The following SGMS1 variants were observed in gnomAD, a reference collection of about 807,000 sequenced individuals.
The protein encoded by SGMS1 is sphingomyelin synthase 1, also known as phosphatidylcholine:ceramide cholinephosphotransferase 1.
In SGMS1, 13 loss-of-function variants were observed where a neutral mutation model predicts 46.2. The observed-to-expected ratio is 0.28, with a 90% CI of 0.18 to 0.45. The LOEUF is 0.45. SGMS1 is among the 20% of genes least tolerant of loss of function. The pLI, the probability that SGMS1 is intolerant of heterozygous loss-of-function variation, is 1.00. For missense variants in SGMS1, 324 were observed against 519.9 expected (o/e 0.62, Z 3.66); for synonymous variants, 203 against 187.8 (o/e 1.08, Z -0.66).
intron 1 of SGMS1, among the ~76,000 whole-genome samples, chr10:50,602,910 T>C (rs1190266710): frequency 6.6e-6 from 1 of 152,216 alleles, no homozygotes; most frequent in Admixed American, 6.5e-5. Flanking sequence ...TGATCTATTT[T>C]GTTTTTAACA....
chr10:50,337,898 C>T (rs1847742640), intron 7 of SGMS1, among the ~76,000 whole-genome samples: 1 of 150,684 alleles, frequency 6.6e-6, no homozygotes, highest in Admixed American at 6.6e-5. Context: ...AAGTCTTTCC[C>T]AAAGTGACCT....
At chr10:50,506,670 C>G (rs77504157) in intron 3 of SGMS1, among the ~76,000 whole-genome samples, 19,591 of 152,190 alleles carry the variant, frequency 0.13, 1,655 homozygotes, top group South Asian at 0.2. Context: ...AAGGGATGTG[C>G]TGCTTGTCCA....
intron 1 of SGMS1, among the ~76,000 whole-genome samples, chr10:50,591,808 A>T (rs1334308858): frequency 6.6e-6 from 1 of 152,260 alleles, no homozygotes; most frequent in Non-Finnish European, 1.5e-5. Flanking sequence ...AAGCAGCATC[A>T]AAACTACAGT....
At chr10:50,461,166 T>G (rs978768989) in intron 4 of SGMS1, among the ~76,000 whole-genome samples, 1 of 151,910 alleles carries the variant, frequency 6.6e-6, no homozygotes, top group African/African-American at 2.4e-5. Context: ...AAATAACTGA[T>G]TATCATAAAT....
At chr10:50,511,117 G>C (rs535377652) in intron 3 of SGMS1, among the ~76,000 whole-genome samples, 2 of 152,234 alleles carry the variant, frequency 1.3e-5, no homozygotes, top group African/African-American at 4.8e-5. Flanking sequence ...ATGGGTGTTT[G>C]TCCTGTTCAC....
intron 8 of SGMS1, among the ~76,000 whole-genome samples, chr10:50,314,881 G>A (rs975712524): frequency 1.4e-4 from 21 of 152,230 alleles, no homozygotes; most frequent in Middle Eastern, 3.4e-3. Flanking sequence ...CAATCATACC[G>A]CTGCACTTCA....
chr10:50,330,293 A>AAAAAC (rs10678162), intron 7 of SGMS1, among the ~76,000 whole-genome samples: 47,808 of 150,058 alleles, frequency 0.32, 7,611 homozygotes, highest in Middle Eastern at 0.38. Flanking sequence ...GTCTCTACTA[A>AAAAAC]AAAACAAAAC....
chr10:50,471,047 G>A (rs1837374394), intron 3 of SGMS1, among the ~76,000 whole-genome samples: 1 of 152,142 alleles, frequency 6.6e-6, no homozygotes. Context: ...ATGCCCTTAA[G>A]GAAGTAGTTA....
intron 2 of SGMS1, among the ~76,000 whole-genome samples, chr10:50,561,384 A>C (rs1292818560): frequency 6.6e-6 from 1 of 152,242 alleles, no homozygotes; most frequent in Non-Finnish European, 1.5e-5. Flanking sequence ...AATGTAACAC[A>C]GTCCATCTGG....
At chr10:50,470,247 T>G (rs1471723633) in intron 3 of SGMS1, among the ~76,000 whole-genome samples, 1 of 152,140 alleles carries the variant, frequency 6.6e-6, no homozygotes, top group Admixed American at 6.5e-5. Context: ...ATTAGAGTAG[T>G]AAAAAGTACT....
Position 50,470,972 on chromosome 10 carries a change from A to G in SGMS1, c.-497-4040T>C, listed in dbSNP as rs560480037. The stretch of plus-strand genomic sequence containing the variant: ...AGAACAGACTTACACATTGCAATCT[A>G]CTAAAAATGTGGGAGCTGAATCAGG... On this transcript the variant is annotated intron_variant, in intron 3 of 10. Transcript: ENST00000361781. Among the ~76,000 whole-genome samples the G allele has an allele frequency of 2.0e-5, 3 of 152,290 alleles. No homozygotes were observed. In the South Asian group the frequency reaches 6.2e-4, roughly 32 times the overall value.
At chr10:50,311,464 CA>C in intron 8 of SGMS1, 49 bp from the exon 9 acceptor site, 1 of 1,571,784 alleles carries the variant, frequency 6.4e-7, no homozygotes, top group Non-Finnish European at 8.7e-7. Flanking sequence ...TACGAGCCCA[CA>C]TGAAAATGTG....
chr10:50,420,354 T>C (rs924452970), intron 6 of SGMS1, among the ~76,000 whole-genome samples: 1 of 152,200 alleles, frequency 6.6e-6, no homozygotes, highest in African/African-American at 2.4e-5. Flanking sequence ...GTTCAGGCAT[T>C]CGTCCCCTCT....
At chr10:50,540,627 A>G (rs1041067598) in intron 2 of SGMS1, among the ~76,000 whole-genome samples, 3 of 152,174 alleles carry the variant, frequency 2.0e-5, no homozygotes, top group African/African-American at 7.2e-5. Context: ...AAGAGAGAGG[A>G]AAGTGGAAGT....
intron 6 of SGMS1, among the ~76,000 whole-genome samples, chr10:50,365,759 A>T (rs551604277): frequency 1.3e-5 from 2 of 152,290 alleles, no homozygotes; most frequent in South Asian, 2.1e-4. Flanking sequence ...CAAAGACATG[A>T]TCTAATTCCT....
chr10:50,516,728 T>C (rs1449925428), intron 3 of SGMS1, among the ~76,000 whole-genome samples: 2 of 152,318 alleles, frequency 1.3e-5, no homozygotes, highest in East Asian at 1.9e-4. Flanking sequence ...AGACAACTGA[T>C]TTTTAAAAAT....
chr10:50,532,147 T>C (rs1837959876), intron 2 of SGMS1, among the ~76,000 whole-genome samples: 1 of 152,128 alleles, frequency 6.6e-6, no homozygotes, highest in Admixed American at 6.5e-5. Context: ...TCTCAGGTAC[T>C]CTGGTTTCTT....
intron 6 of SGMS1, among the ~76,000 whole-genome samples, chr10:50,375,137 G>A (rs548396989): frequency 6.6e-6 from 1 of 152,218 alleles, no homozygotes; most frequent in Admixed American, 6.5e-5. Context: ...GTAAGGAAGT[G>A]GGATTAGGTA....
At position 50,345,940 on chromosome 10, in the gene SGMS1, T is replaced by C. The variant is rs144221234; in HGVS notation, c.-231-1595A>G. Reference sequence around the variant, plus strand: ...TAGGTATTTTCTACTTTTCTCCACCTATTTTTCTTTAATAAGCATATATTA... The same window carrying C: ...TAGGTATTTTCTACTTTTCTCCACCCATTTTTCTTTAATAAGCATATATTA... On this transcript the variant is annotated intron_variant, in intron 6 of 10. Transcript: ENST00000361781. Among the ~76,000 whole-genome samples, 7 of 152,334 alleles carry C rather than the reference T, an allele frequency of 4.6e-5. No individual in the cohort carries two copies. The East Asian group carries it at 1.2e-3, about 25-fold the overall frequency.
Sources: gnomAD v4.1 joint callset for allele counts (sites outside exome capture counted in the v4.1 genomes callset) on GRCh38, gnomAD v4.1.1 for gene constraint, MANE v1.5 for transcripts, NCBI Gene and HGNC (gene_info 2026-07-23, HGNC 2026-07-21) for gene names.